Variants in VAV2 observed in about 807,000 individuals in gnomAD.
VAV2 encodes the protein guanine nucleotide exchange factor VAV2.
In VAV2, 67 loss-of-function variants were observed where a neutral mutation model predicts 132.5. That is an observed-to-expected ratio of 0.51 (90% confidence interval 0.42 to 0.62). VAV2 has a LOEUF of 0.62. Ranked by LOEUF, VAV2 falls within the 20% of genes least tolerant of loss-of-function variation. The probability of loss-of-function intolerance (pLI) is 0.00; values close to 1 mark genes in which losing one functional copy is unlikely to be tolerated. For synonymous variants in VAV2, 492 were observed against 443.5 expected, an observed-to-expected ratio of 1.11 and a Z score of -1.37; for missense variants, 938 against 1,153.6, an observed-to-expected ratio of 0.81 and a Z score of 2.71.
chr9:133,934,596 C>G (rs1213305176), intron 2 of VAV2, among the ~76,000 whole-genome samples: 1 of 152,228 alleles, frequency 6.6e-6, no homozygotes, highest in Non-Finnish European at 1.5e-5. Flanking sequence ...TCTCCTGCCC[C>G]CAGACATCAG....
chr9:133,799,394 G>C (rs577754158), intron 9 of VAV2, among the ~76,000 whole-genome samples: 12 of 152,298 alleles, frequency 7.9e-5, no homozygotes, highest in African/African-American at 2.6e-4. Context: ...TCCCTCACAA[G>C]CCTGCAGGGA....
intron 3 of VAV2, among the ~76,000 whole-genome samples, chr9:133,858,939 G>A (rs12339322): frequency 0.028 from 4,272 of 152,336 alleles, 195 homozygotes; most frequent in African/African-American, 0.096. Flanking sequence ...TGAGAGGGAA[G>A]AGGGCAGGTT....
At chr9:133,894,470 C>A (rs999233306) in intron 2 of VAV2, among the ~76,000 whole-genome samples, 1 of 152,220 alleles carries the variant, frequency 6.6e-6, no homozygotes, top group Non-Finnish European at 1.5e-5. Context: ...ACCGCCTTTA[C>A]GCCCTCTGAG....
In VAV2 at chr9:133,768,342, C is replaced by T; in HGVS notation, c.2589+100G>A. On this transcript the variant is annotated intron_variant, in intron 29 of 29. Transcript: ENST00000371850. The surrounding 1 kb of genome is among the most constrained non-coding windows in gnomAD (Gnocchi z 5.3). ...ATTGCAGAGGGTGTCTGGAACAGGGCCTGGGGTGTGGACATAGGTGTGGTG... is the reference window on the plus strand; with the variant it reads ...ATTGCAGAGGGTGTCTGGAACAGGGTCTGGGGTGTGGACATAGGTGTGGTG... The T allele has an allele frequency of 6.7e-7, 1 of 1,492,668 alleles. No individual in the cohort carries two copies. The highest frequency in any genetic ancestry group is 9.0e-7 in the Non-Finnish European group (1 of 1,111,504). The allele number at this position is 1,492,668 out of a possible 1,614,324, so 92.5% of individuals were successfully genotyped here.
intron 2 of VAV2, among the ~76,000 whole-genome samples, chr9:133,867,873 T>G (rs1228426854): frequency 6.6e-6 from 1 of 152,218 alleles, no homozygotes; most frequent in Non-Finnish European, 1.5e-5. Context: ...AGCTGAGTGC[T>G]GGGCTCACAG....
intron 19 of VAV2, among the ~76,000 whole-genome samples, chr9:133,781,976 C>G (rs1335931395): frequency 6.6e-6 from 1 of 152,146 alleles, no homozygotes; most frequent in Non-Finnish European, 1.5e-5. Flanking sequence ...GAAAGCAGGA[C>G]AGTGCTTGGG....
At chr9:133,958,202 T>C (rs1841851627) in intron 1 of VAV2, among the ~76,000 whole-genome samples, 2 of 127,322 alleles carry the variant, frequency 1.6e-5, no homozygotes, top group South Asian at 2.7e-4. Context: ...AAAGGGTCTG[T>C]GCTGAGGAGG....
At chr9:133,836,121 C>G (rs1381806006) in intron 3 of VAV2, among the ~76,000 whole-genome samples, 2 of 152,228 alleles carry the variant, frequency 1.3e-5, no homozygotes, top group Non-Finnish European at 2.9e-5. Context: ...AGGAATCCAT[C>G]TCCTCCCATG....
At chr9:133,860,024 C>A (rs376831393) in intron 3 of VAV2, among the ~76,000 whole-genome samples, 120 of 152,248 alleles carry the variant, frequency 7.9e-4, no homozygotes, top group African/African-American at 2.6e-3. Flanking sequence ...TATCCATGGC[C>A]GGGCGAGGTG....
chr9:133,859,387 G>A (rs1837509023), intron 3 of VAV2, among the ~76,000 whole-genome samples: 1 of 152,190 alleles, frequency 6.6e-6, no homozygotes, highest in Admixed American at 6.5e-5. Context: ...GGCAGGAGAG[G>A]GGATAGGGCT....
intron 13 of VAV2, 49 bp downstream of exon 13, chr9:133,791,734 G>C (rs1208376572): frequency 6.6e-7 from 1 of 1,523,578 alleles, no homozygotes; most frequent in African/African-American, 1.4e-5. Flanking sequence ...TGACTTTATA[G>C]GTACGTCCTC....
In VAV2 at chr9:133,935,009, C is replaced by A. The variant is rs947340338; in HGVS notation, c.321+4094G>T. Among the ~76,000 whole-genome samples the A allele has an allele frequency of 2.0e-5, 3 of 151,452 alleles. No individual in the cohort carries two copies. The highest frequency in any genetic ancestry group is 3.4e-3 in the Middle Eastern group (1 of 294). ...TAGCCCTGGAGTCCCCAGCCCCACA[C>A]CCCCTCGGTTACCCCTGACCAGCCC... is the stretch of plus-strand genomic sequence containing the variant. On this transcript the variant is annotated intron_variant, in intron 2 of 29. Transcript: ENST00000371850. This position sits in a 1 kb window ranked among gnomAD's most constrained non-coding sequence, Gnocchi z 5.2.
At chr9:133,797,252 CA>C (rs1183270890) in intron 10 of VAV2, among the ~76,000 whole-genome samples, 1 of 151,920 alleles carries the variant, frequency 6.6e-6, no homozygotes, top group Non-Finnish European at 1.5e-5. Flanking sequence ...CAGTTCCCAG[CA>C]AATGTTACCC....
chr9:133,892,885 C>A (rs539549807), intron 2 of VAV2, among the ~76,000 whole-genome samples: 2 of 152,334 alleles, frequency 1.3e-5, no homozygotes, highest in Admixed American at 6.5e-5. Context: ...AAAGAAAGAG[C>A]CAAGCGGTCT....
rs2486335 is a variant in VAV2 at position 133,824,156 on chromosome 9, G to A, written c.449+10116C>T. ...TGGGGCTCTCATCCCAACGAGCTGC[G>A]GTCTCCACAGCCAGCCCCACAGGGA... On this transcript the variant is annotated intron_variant, in intron 4 of 29. Transcript: ENST00000371850. The surrounding 1 kb of genome is among the most constrained non-coding windows in gnomAD (Gnocchi z 5.2). Among the ~76,000 whole-genome samples the A allele has an allele frequency of 0.15, 22,335 of 152,076 alleles. 2,050 individuals carry two copies. Among genetic ancestry groups the A allele is most frequent in the African/African-American group, 0.26 (10,611 of 41,450 alleles).
intron 2 of VAV2, among the ~76,000 whole-genome samples, chr9:133,917,778 A>T (rs1187099909): frequency 6.6e-6 from 1 of 152,240 alleles, no homozygotes; most frequent in East Asian, 1.9e-4. Context: ...CCCCAAGGAC[A>T]GGACCGAACA....
At chr9:133,864,719 A>T (rs2131878779) in intron 2 of VAV2, among the ~76,000 whole-genome samples, 1 of 152,308 alleles carries the variant, frequency 6.6e-6, no homozygotes, top group African/African-American at 2.4e-5. Flanking sequence ...TCCCCTAAGG[A>T]CTGGCCAGAC....
rs555106115 is a variant in VAV2 at position 133,823,055 on chromosome 9, T to C, written c.450-10839A>G. On this transcript the variant is annotated intron_variant, in intron 4 of 29. Coordinates refer to ENST00000371850, the MANE Select transcript of VAV2 (RefSeq NM_001134398.2). This position sits in a 1 kb window ranked among gnomAD's most constrained non-coding sequence, Gnocchi z 5.5. ...GGCTCTCAGGGGACAGGAGCAGGGA[T>C]TGTCGAACAGCGTATGGACCTATGG... 1.3e-4 allele frequency among the ~76,000 whole-genome samples: 20 copies of C among 152,256 alleles called. No homozygotes were observed. The East Asian group carries it at 3.1e-3, about 24-fold the overall frequency.
intron 4 of VAV2, among the ~76,000 whole-genome samples, chr9:133,815,044 G>A (rs1470424191): frequency 6.6e-6 from 1 of 152,168 alleles, no homozygotes; most frequent in Non-Finnish European, 1.5e-5. Context: ...AGAGGCACGA[G>A]CTCCATCTGG....
Sources: gnomAD v4.1 joint callset for allele counts (sites outside exome capture counted in the v4.1 genomes callset) on GRCh38, gnomAD v4.1.1 for gene constraint, Gnocchi (gnomAD v3.1) non-coding constraint, MANE v1.5 for transcripts, NCBI Gene and HGNC (gene_info 2026-07-23, HGNC 2026-07-21) for gene names.